CDH18: variants seen among roughly 807,000 people sequenced by gnomAD.
CDH18 encodes cadherin 18.
A neutral mutation model predicts 67.9 loss-of-function variants in CDH18; 31 were observed. The observed-to-expected ratio is 0.46, with a 90% CI of 0.34 to 0.62. The LOEUF (loss-of-function observed/expected upper bound fraction) is 0.62, where lower values mean the gene tolerates loss of function less well. Among genes scored for constraint, CDH18 ranks in the 20% least tolerant of loss-of-function variants. The pLI, the probability that CDH18 is intolerant of heterozygous loss-of-function variation, is 0.01. For synonymous variants in CDH18, 362 were observed against 347.2 expected (o/e 1.04, Z -0.48); for missense variants, 890 against 975.5 (o/e 0.91, Z 1.17).
intron 11 of CDH18, among the ~76,000 whole-genome samples, chr5:19,498,268 A>G (rs1010940335): frequency 3.3e-5 from 5 of 152,182 alleles, no homozygotes; most frequent in Non-Finnish European, 5.9e-5. Context: ...GTATACAAAC[A>G]CTGCAGAAGA....
chr5:19,745,292 GT>G (rs1769835330), intron 4 of CDH18, among the ~76,000 whole-genome samples: 1 of 152,174 alleles, frequency 6.6e-6, no homozygotes, highest in Non-Finnish European at 1.5e-5. Flanking sequence ...ACAGAAATCT[GT>G]TTGTGGCATC....
intron 1 of CDH18, among the ~76,000 whole-genome samples, chr5:20,302,830 G>C (rs1386097263): frequency 6.6e-6 from 1 of 152,140 alleles, no homozygotes; most frequent in Non-Finnish European, 1.5e-5. Flanking sequence ...TGATTCATGA[G>C]GAATCAAAGT....
intron 1 of CDH18, among the ~76,000 whole-genome samples, chr5:20,394,584 G>C (rs185453056): frequency 1.2e-4 from 19 of 152,062 alleles, no homozygotes; most frequent in African/African-American, 3.4e-4. Flanking sequence ...TAAATACATG[G>C]GACCTAATTA....
chr5:20,083,795 G>A (rs1039946218), intron 2 of CDH18, among the ~76,000 whole-genome samples: 8 of 152,136 alleles, frequency 5.3e-5, no homozygotes, highest in African/African-American at 1.9e-4. Flanking sequence ...GCTTGTGCAG[G>A]GGAACTCCTA....
At chr5:20,101,189 TG>T (rs1322352587) in intron 2 of CDH18, among the ~76,000 whole-genome samples, 1 of 152,106 alleles carries the variant, frequency 6.6e-6, no homozygotes, top group East Asian at 1.9e-4. Flanking sequence ...CTGGAATTTC[TG>T]GGCTCAAGCA....
At chr5:19,555,711 T>C (rs1045639235) in intron 8 of CDH18, among the ~76,000 whole-genome samples, 3 of 152,124 alleles carry the variant, frequency 2.0e-5, no homozygotes, top group Non-Finnish European at 4.4e-5. Flanking sequence ...ACAAAGTACA[T>C]AATCTCTTGG....
At position 19,849,238 on chromosome 5, in the gene CDH18, G is replaced by A. The variant is rs767297125; in HGVS notation, c.-256-9996C>T. ...AAGGTATTGGCATGAGAGTCAGCAG[G>A]ATACCTTGCAAAGTTAAATTCATGG... On this transcript the variant is annotated intron_variant, in intron 2 of 12. Coordinates refer to ENST00000382275, the MANE Select transcript of CDH18 (RefSeq NM_004934.5). 3.9e-5 allele frequency among the ~76,000 whole-genome samples: 6 copies of A among 152,108 alleles called. No homozygotes were observed. In the South Asian group the frequency reaches 6.2e-4, roughly 16 times the overall value.
intron 3 of CDH18, among the ~76,000 whole-genome samples, chr5:19,748,137 T>G (rs1467013510): frequency 5.3e-4 from 13 of 24,404 alleles, no homozygotes; most frequent in Non-Finnish European, 1.2e-3. Context: ...AAAAAAAGAG[T>G]ACTTTTTTAG....
At chr5:20,029,582 A>G (rs1739207922) in intron 2 of CDH18, among the ~76,000 whole-genome samples, 1 of 152,216 alleles carries the variant, frequency 6.6e-6, no homozygotes, top group Non-Finnish European at 1.5e-5. Flanking sequence ...TGTTTCCATA[A>G]GATTATGAGA....
In CDH18 at chr5:19,502,997, T is replaced by C; in HGVS notation, c.1625A>G (p.Asn542Ser). Residue 542 changes from asparagine (N) to serine (S), a missense_variant, in exon 11 of 13, where the codon AAT becomes AGT. Around this residue, in one of 2 missense-constraint regions of CDH18, gnomAD observed 656 missense variants for 668.1 expected, o/e 0.98. Coordinates refer to ENST00000382275, the MANE Select transcript of CDH18 (RefSeq NM_004934.5). ...PVNPNFTLKD[N>S]EDNTASILTR... ...ATATGTGTATATATGTTCACCTTCA[T>C]TGTCCTTCAGAGTGAAGTTTGGATT... 2 of 1,572,538 alleles carry C rather than the reference T, an allele frequency of 1.3e-6. No individual in the cohort carries two copies. The highest frequency in any genetic ancestry group is 1.8e-6 in the Non-Finnish European group (2 of 1,142,396).
At chr5:20,358,104 C>T (rs577204563) in intron 1 of CDH18, among the ~76,000 whole-genome samples, 1 of 152,164 alleles carries the variant, frequency 6.6e-6, no homozygotes, top group Non-Finnish European at 1.5e-5. Context: ...ATTAAGCGTA[C>T]ACATTGACAT....
chr5:20,432,340 T>A (rs565978066), intron 1 of CDH18, among the ~76,000 whole-genome samples: 1 of 152,104 alleles, frequency 6.6e-6, no homozygotes, highest in Non-Finnish European at 1.5e-5. Flanking sequence ...ATAATGTGAT[T>A]GTCAGACTGG....
intron 1 of CDH18, among the ~76,000 whole-genome samples, chr5:20,295,552 C>T (rs1442085117): frequency 6.6e-6 from 1 of 151,922 alleles, no homozygotes; most frequent in African/African-American, 2.4e-5. Context: ...TATGGTGAAA[C>T]CCCGTCTCTA....
chr5:19,576,727 C>T (rs1302056698), intron 7 of CDH18, among the ~76,000 whole-genome samples: 2 of 152,038 alleles, frequency 1.3e-5, no homozygotes, highest in African/African-American at 2.4e-5. Context: ...TCCAGCAATC[C>T]CCTGACTGGG....
chr5:20,325,554 T>A (rs1738489226), intron 1 of CDH18, among the ~76,000 whole-genome samples: 1 of 152,102 alleles, frequency 6.6e-6, no homozygotes, highest in Non-Finnish European at 1.5e-5. Context: ...CACCCATCCC[T>A]CATTCTTAGG....
intron 1 of CDH18, among the ~76,000 whole-genome samples, chr5:20,501,569 A>AATATATATATATTATATATATATATTAT (rs1754301964): frequency 1.9e-4 from 3 of 16,194 alleles, no homozygotes; most frequent in African/African-American, 2.9e-4. Context: ...ATATATATAT[A>AATATATATATATTATATATATATATTAT]ATATATATAT....
intron 1 of CDH18, among the ~76,000 whole-genome samples, chr5:20,505,143 C>A (rs2471144): frequency 0.47 from 71,878 of 151,670 alleles, 17,249 homozygotes; most frequent in East Asian, 0.56. Flanking sequence ...TTCAGATAGC[C>A]TGCAAAATAT....
rs144268374 is a variant in CDH18, at chr5:20,263,091, TA to T, written c.-579-7587del. ...GAAAAAGAGGTCAATTTCTCCTTGA[TA>T]AAAAAAAATACACACACACAATTAT... On this transcript the variant is annotated intron_variant, in intron 1 of 14. Transcript: ENST00000507958. 4.2e-3 allele frequency among the ~76,000 whole-genome samples: 631 copies of T among 150,194 alleles called. 7 individuals are homozygous for T. The highest frequency in any genetic ancestry group is 0.015 in the African/African-American group (603 of 40,638).
chr5:19,941,316 A>T (rs1228338207), intron 2 of CDH18, among the ~76,000 whole-genome samples: 1 of 152,114 alleles, frequency 6.6e-6, no homozygotes, highest in Non-Finnish European at 1.5e-5. Flanking sequence ...CTGTGTTCGT[A>T]AGCCACTCAG....
Sources: allele counts gnomAD v4.1 joint callset (sites outside exome capture counted in the v4.1 genomes callset), GRCh38; gene constraint gnomAD v4.1.1; regional missense constraint gnomAD v4.1.1; transcripts MANE v1.5; gene names NCBI Gene and HGNC (gene_info 2026-07-23, HGNC 2026-07-21).